CHCT1: variants seen among roughly 807,000 people sequenced by gnomAD.
The protein encoded by CHCT1 is CHD1 helical C-terminal domain containing protein 1.
chr17:60,426,085 G>A, the CHCT1 span: 2 of 1,471,500 alleles, frequency 1.4e-6, no homozygotes, highest in South Asian at 2.5e-5. Flanking sequence ...CCAGACCGGT[G>A]TGCTGGATAC....
chr17:60,426,907 G>A, the CHCT1 span: 1 of 1,533,060 alleles, frequency 6.5e-7, no homozygotes, highest in Admixed American at 2.0e-5. Context: ...GACACACCCA[G>A]AGCCCCTCTG....
the CHCT1 span, among the ~76,000 whole-genome samples, chr17:60,428,872 T>A: frequency 6.6e-6 from 1 of 151,932 alleles, no homozygotes; most frequent in Admixed American, 6.6e-5. Flanking sequence ...TTTTATTTTT[T>A]TTTTAACAGA....
chr17:60,429,509 G>A, the CHCT1 span: 1 of 1,614,208 alleles, frequency 6.2e-7, no homozygotes, highest in Non-Finnish European at 8.5e-7. Context: ...CCCAGGTCAA[G>A]GGAGCCCCCT....
the CHCT1 span, among the ~76,000 whole-genome samples, chr17:60,430,763 G>A: frequency 6.6e-6 from 1 of 152,244 alleles, no homozygotes; most frequent in Admixed American, 6.5e-5. Flanking sequence ...TTACAGGCGT[G>A]AGCCACTGTG....
At chr17:60,430,654 T>C in the CHCT1 span, among the ~76,000 whole-genome samples, 12 of 152,168 alleles carry the variant, frequency 7.9e-5, no homozygotes, top group Non-Finnish European at 1.5e-4. Context: ...CTATTTTTTG[T>C]ATTTTTAGTA....
the CHCT1 span, chr17:60,426,611 G>A: frequency 6.9e-7 from 1 of 1,456,464 alleles, no homozygotes; most frequent in Admixed American, 2.1e-5. Flanking sequence ...AACCCCAAAG[G>A]GGCATGTGGC....
chr17:60,429,501 C>T, the CHCT1 span: 1 of 1,614,248 alleles, frequency 6.2e-7, no homozygotes, highest in African/African-American at 1.3e-5. Flanking sequence ...ATGCAGACCC[C>T]AGGTCAAGGG....
At chr17:60,421,821 C>T in the CHCT1 span, 10 of 980,104 alleles carry the variant, frequency 1.0e-5, no homozygotes, top group Non-Finnish European at 1.1e-5. Context: ...GGACTTTCGC[C>T]GACACCCGGC....
At chr17:60,430,071 C>T in the CHCT1 span, among the ~76,000 whole-genome samples, 3 of 150,900 alleles carry the variant, frequency 2.0e-5, no homozygotes, top group Admixed American at 6.6e-5. Flanking sequence ...ACAATCCAGC[C>T]GCCTCAGCCT....
At chr17:60,426,080 C>T in the CHCT1 span, 1 of 1,448,200 alleles carries the variant, frequency 6.9e-7, no homozygotes, top group Non-Finnish European at 9.4e-7. Context: ...TGCGGCCAGA[C>T]CGGTGTGCTG....
chr17:60,424,474 G>GA, the CHCT1 span, among the ~76,000 whole-genome samples: 1 of 151,986 alleles, frequency 6.6e-6, no homozygotes, highest in Non-Finnish European at 1.5e-5. Context: ...AAATTAATCA[G>GA]AAAAAAAGAG....
At chr17:60,426,312 C>A in the CHCT1 span, 1 of 1,551,348 alleles carries the variant, frequency 6.4e-7, no homozygotes, top group South Asian at 1.2e-5. Context: ...TACTGCCAAG[C>A]CTGGGAAATC....
the CHCT1 span, among the ~76,000 whole-genome samples, chr17:60,425,400 C>T: frequency 6.6e-6 from 1 of 152,168 alleles, no homozygotes; most frequent in African/African-American, 2.4e-5. Flanking sequence ...CCAGACTGGT[C>T]TGCTGCCACT....
At chr17:60,426,274 G>A in the CHCT1 span, 1 of 1,551,978 alleles carries the variant, frequency 6.4e-7, no homozygotes, top group Non-Finnish European at 8.7e-7. Flanking sequence ...TGGTCCTAGG[G>A]GACCACATCA....
the CHCT1 span, among the ~76,000 whole-genome samples, chr17:60,429,829 T>G: frequency 6.6e-6 from 1 of 152,012 alleles, no homozygotes; most frequent in Non-Finnish European, 1.5e-5. Context: ...TTATTTTATT[T>G]TATTTATTTT....
At chr17:60,427,099 G>A in the CHCT1 span, among the ~76,000 whole-genome samples, 44 of 152,274 alleles carry the variant, frequency 2.9e-4, no homozygotes, top group African/African-American at 7.5e-4. Flanking sequence ...TGAGCTGGTG[G>A]TATTACACAG....
chr17:60,426,779 T>G, the CHCT1 span: 1 of 1,610,184 alleles, frequency 6.2e-7, no homozygotes, highest in Non-Finnish European at 8.5e-7. Flanking sequence ...TCGCCGACTT[T>G]ACAAGTACAC....
chr17:60,426,674 G>C, the CHCT1 span: 1 of 1,579,430 alleles, frequency 6.3e-7, no homozygotes, highest in Non-Finnish European at 8.6e-7. Flanking sequence ...GAGGGAGGAA[G>C]CGCTGTGCTC....
the CHCT1 span, chr17:60,422,361 T>C: frequency 8.9e-7 from 1 of 1,119,396 alleles, no homozygotes; most frequent in Non-Finnish European, 1.2e-6. Flanking sequence ...TCTTGCTCCG[T>C]TCCCTAGTCC....
Sources: gnomAD v4.1 joint callset for allele counts (sites outside exome capture counted in the v4.1 genomes callset) on GRCh38, gnomAD v4.1.1 for gene constraint, MANE v1.5 for transcripts, NCBI Gene and HGNC (gene_info 2026-07-23, HGNC 2026-07-21) for gene names.